The following PRKRA variants were observed in gnomAD, a reference collection of about 807,000 sequenced individuals.
PRKRA encodes the protein interferon-inducible double-stranded RNA-dependent protein kinase activator A.
In PRKRA, 22 loss-of-function variants were observed where a neutral mutation model predicts 32.4. The observed-to-expected ratio is 0.68, with a 90% CI of 0.49 to 0.97. The LOEUF (loss-of-function observed/expected upper bound fraction) is 0.97, where lower values mean the gene tolerates loss of function less well. Among genes scored for constraint, PRKRA ranks in the 50% least tolerant of loss-of-function variants. PRKRA has a pLI of 0.00. For synonymous variants in PRKRA, 139 were observed against 129.8 expected, an observed-to-expected ratio of 1.07 and a Z score of -0.48; for missense variants, 319 against 375.6, an observed-to-expected ratio of 0.85 and a Z score of 1.25.
At chr2:178,444,890 C>T (rs181328404) in intron 3 of PRKRA, among the ~76,000 whole-genome samples, 4 of 152,338 alleles carry the variant, frequency 2.6e-5, no homozygotes, top group South Asian at 4.1e-4. Flanking sequence ...CTATGTATCA[C>T]TTACCTACAT....
chr2:178,450,939 T>TG, intron 1 of PRKRA, 27 bp downstream of exon 1: 1 of 800,820 alleles, frequency 1.2e-6, no homozygotes. Context: ...CTCCCGGCCC[T>TG]GGGGCCCTGA....
intron 3 of PRKRA, among the ~76,000 whole-genome samples, chr2:178,446,593 G>A (rs535907389): frequency 5.9e-5 from 9 of 152,252 alleles, no homozygotes; most frequent in African/African-American, 1.2e-4. Flanking sequence ...TACACAGATC[G>A]TACTTCAGGC....
chr2:178,436,027 T>C (rs952137464), intron 7 of PRKRA, 118 bp downstream of exon 7: 6 of 874,518 alleles, frequency 6.9e-6, no homozygotes, highest in African/African-American at 1.7e-5. Flanking sequence ...ATACTTAGAA[T>C]CCCTGATCAA....
rs1444483631 is a variant in PRKRA, at chr2:178,431,592, T to A, written c.*505A>T. On this transcript the variant is annotated 3_prime_UTR_variant, in exon 8 of 8. Transcript: ENST00000325748. ...TAATAAAATGAGCAGAATCCCATCG[T>A]AACAGTTCTTTGTTACATGAATTCA... is the stretch of plus-strand genomic sequence containing the variant. 6.0e-6 allele frequency: 1 copy of A among 167,368 alleles called. No individual in the cohort carries two copies. Among genetic ancestry groups the A allele is most frequent in the East Asian group, 1.6e-4 (1 of 6,444 alleles). 10.4% of individuals were successfully genotyped at this position (167,368 alleles called of 1,614,324 possible).
At chr2:178,436,817 AG>A in intron 6 of PRKRA, among the ~76,000 whole-genome samples, 1 of 152,282 alleles carries the variant, frequency 6.6e-6, no homozygotes, top group South Asian at 2.1e-4. Flanking sequence ...GTTGGGTTTG[AG>A]GAACAAGTCA....
At chr2:178,441,749 G>T in intron 5 of PRKRA, 45 bp from the exon 6 acceptor site, 1 of 901,802 alleles carries the variant, frequency 1.1e-6, no homozygotes, top group Non-Finnish European at 1.6e-6. Context: ...AGAAATTAGT[G>T]TCCACAGAGG....
At position 178,451,147 on chromosome 2, in the gene PRKRA, G is replaced by A. The variant is rs886055204; in HGVS notation, c.-117C>T. 8.9e-6 allele frequency: 11 copies of A among 1,236,352 alleles called. No individual in the cohort carries two copies. The highest frequency in any genetic ancestry group is 1.2e-5 in the Non-Finnish European group (11 of 906,702). The allele number at this position is 1,236,352 out of a possible 1,614,324, so 76.6% of individuals were successfully genotyped here. A position where few individuals can be genotyped will look rare whatever the true frequency, so the allele number is the denominator to read the frequency against. On this transcript the variant is annotated 5_prime_UTR_variant, in exon 1 of 8. Coordinates refer to ENST00000325748, the MANE Select transcript of PRKRA (RefSeq NM_003690.5). ...CGCCGCCACCTCCTCCGACTCCCCC[G>A]CCTCCTGCTTGCGTTGCTCCAGCGA...
chr2:178,450,940 G>A (rs1378272723), intron 1 of PRKRA, 26 bp downstream of exon 1: 1 of 1,554,110 alleles, frequency 6.4e-7, no homozygotes, highest in Non-Finnish European at 8.6e-7. Flanking sequence ...TCCCGGCCCT[G>A]GGGCCCTGAC....
intron 6 of PRKRA, among the ~76,000 whole-genome samples, chr2:178,436,834 A>C (rs1696918706): frequency 6.6e-6 from 1 of 152,210 alleles, no homozygotes; most frequent in African/African-American, 2.4e-5. Flanking sequence ...AGTCATTCAA[A>C]TAAATGACAG....
intron 3 of PRKRA, 32 bp downstream of exon 3, chr2:178,447,460 GCCATGATATTTTT>G: frequency 1.9e-6 from 3 of 1,613,782 alleles, no homozygotes; most frequent in South Asian, 1.1e-5. Flanking sequence ...TCTTACCTCA[GCCATGATATTTTT>G]GAGCTGCTGA....
chr2:178,446,652 G>A (rs1380390817), intron 3 of PRKRA, among the ~76,000 whole-genome samples: 1 of 152,158 alleles, frequency 6.6e-6, no homozygotes, highest in East Asian at 1.9e-4. Flanking sequence ...CCAAGCTCCA[G>A]AGTGCACCCA....
intron 6 of PRKRA, chr2:178,439,442 T>C (rs1189256312): frequency 6.6e-6 from 1 of 152,206 alleles, no homozygotes. Context: ...TATGGAAAAG[T>C]TATTGATTTT....
Position 178,431,810 on chromosome 2 carries a change from C to CAACA in PRKRA, c.*283_*286dup. On this transcript the variant is annotated 3_prime_UTR_variant, in exon 8 of 8. Transcript: ENST00000325748. The stretch of plus-strand genomic sequence containing the variant: ...GCTAGCATTTTTATTTCATCATCAA[C>CAACA]AACAAACATGCAGTTTCTTTCTCTG... The CAACA allele has an allele frequency of 2.3e-6, 1 of 441,186 alleles. No homozygotes were observed. The highest frequency in any genetic ancestry group is 4.1e-6 in the Non-Finnish European group (1 of 241,204). 27.3% of individuals were successfully genotyped at this position (441,186 alleles called of 1,614,324 possible).
rs730880307 is a variant in PRKRA at position 178,447,553 on chromosome 2, CTA to C, written c.267_268del (p.His89GlnfsTer22). The C allele has an allele frequency of 1.2e-6, 2 of 1,614,132 alleles. No homozygotes were observed. Among genetic ancestry groups the C allele is most frequent in the Admixed American group, 1.7e-5 (1 of 60,036 alleles). On this transcript the variant is annotated frameshift_variant, in exon 3 of 8. Coordinates refer to ENST00000325748, the MANE Select transcript of PRKRA (RefSeq NM_003690.5). LOFTEE classifies it high-confidence loss of function. ...AATGTTTATGGCAGCCTCTGCAGCTCTATGTTTCGCCAGCTTCTTACTTGTAC... is the reference window on the plus strand; with the variant it reads ...AATGTTTATGGCAGCCTCTGCAGCTCTGTTTCGCCAGCTTCTTACTTGTAC...
At position 178,450,996 on chromosome 2, in the gene PRKRA, G is replaced by T; in HGVS notation, c.35C>A (p.Pro12Gln). 1 of 1,563,508 alleles carries T rather than the reference G, an allele frequency of 6.4e-7. No homozygotes were observed. Among genetic ancestry groups the T allele is most frequent in the South Asian group, 1.2e-5 (1 of 85,874 alleles). Residue 12 changes from proline (P) to glutamine (Q), a missense_variant, in exon 1 of 8, where the codon CCG becomes CAG. Coordinates refer to ENST00000325748, the MANE Select transcript of PRKRA (RefSeq NM_003690.5). Reference protein sequence around the residue: ...SQSRHRAEAPPLEREDSGTFS... With the variant: ...SQSRHRAEAPQLEREDSGTFS... ...GGTCCCACTGTCCTCGCGCTCCAGC[G>T]GCGGGGCCTCGGCGCGGTGCCTGCT...
At chr2:178,442,459 T>A (rs1027782228) in intron 5 of PRKRA, among the ~76,000 whole-genome samples, 3 of 152,170 alleles carry the variant, frequency 2.0e-5, no homozygotes, top group African/African-American at 7.2e-5. Flanking sequence ...CAGGGGATGG[T>A]GGAGTTGAAA....
chr2:178,451,052 G>A lies in PRKRA; in HGVS notation c.-22C>T, dbSNP rs763540554. 2 of 1,553,980 alleles carry A rather than the reference G, an allele frequency of 1.3e-6. No individual in the cohort carries two copies. Among genetic ancestry groups the A allele is most frequent in the African/African-American group, 1.4e-5 (1 of 71,260 alleles). ...ACATGGCGAGAAGGGACGGCTCAGC[G>A]GCTGGAGGAAGAGCGGTGCGGAGCG... On this transcript the variant is annotated 5_prime_UTR_variant, in exon 1 of 8. Coordinates refer to ENST00000325748, the MANE Select transcript of PRKRA (RefSeq NM_003690.5).
At chr2:178,432,856 GTTCT>G (rs759784757) in intron 7 of PRKRA, among the ~76,000 whole-genome samples, 15 of 152,266 alleles carry the variant, frequency 9.9e-5, no homozygotes, top group African/African-American at 3.6e-4. Context: ...GCAGAGTCTA[GTTCT>G]TTATTTATAC....
chr2:178,432,001 A>G lies in PRKRA; in HGVS notation c.*96T>C. 7.3e-7 allele frequency: 1 copy of G among 1,371,480 alleles called. No individual in the cohort carries two copies. The allele number at this position is 1,371,480 out of a possible 1,614,324, so 85.0% of individuals were successfully genotyped here. On this transcript the variant is annotated 3_prime_UTR_variant, in exon 8 of 8. Coordinates refer to ENST00000325748, the MANE Select transcript of PRKRA (RefSeq NM_003690.5). ...ATGGAATCTATGAAGAGATTTAGAA[A>G]CAAGACATAAACACTACGGTAAAAG...
Sources: gnomAD v4.1 joint callset for allele counts (sites outside exome capture counted in the v4.1 genomes callset) on GRCh38, gnomAD v4.1.1 for gene constraint, MANE v1.5 for transcripts, NCBI Gene and HGNC (gene_info 2026-07-23, HGNC 2026-07-21) for gene names.